C1orf174: variants seen among roughly 807,000 people sequenced by gnomAD.
C1orf174 encodes chromosome 1 open reading frame 174, also known as UPF0688 protein C1orf174.
C1orf174 carries 13 observed loss-of-function variants against 18.4 expected under a neutral mutation model. The ratio of observed to expected loss-of-function variants is 0.71; its 90% CI spans 0.46 to 1.12. The LOEUF (loss-of-function observed/expected upper bound fraction) is 1.12. Among genes scored for constraint, C1orf174 ranks in the 50% most tolerant of loss-of-function variants. The pLI, the probability that C1orf174 is intolerant of heterozygous loss-of-function variation, is 0.00. For synonymous variants in C1orf174, 100 were observed against 118.3 expected (o/e 0.85, Z 1.01); for missense variants, 309 against 308.0 (o/e 1.00, Z -0.02).
chr1:3,892,609 C>T (rs1638529339), intron 2 of C1orf174: 1 of 678,920 alleles, frequency 1.5e-6, no homozygotes, highest in Admixed American at 4.1e-5. Flanking sequence ...CGGGTCTAGA[C>T]ACACACACGG....
chr1:3,891,534 CCT>C, intron 2 of C1orf174: 1 of 953,324 alleles, frequency 1.0e-6, no homozygotes, highest in East Asian at 1.1e-4. Context: ...TTACCAAGCA[CCT>C]CATCATGAGC....
Position 3,890,928 on chromosome 1 carries a change from T to G in C1orf174, c.259A>C (p.Thr87Pro). ...TCATTTTCACAAGGGGTCTCAGGTG[T>G]CACTTTTGGCAAAGAAGCGCTGTCA... The part of the protein sequence containing the change: ...KNDSASLPKV[T>P]PETPCENEFA... The change falls in exon 3 of 4, where the codon ACA (threonine) becomes CCA (proline). Residue 87 changes from threonine (T) to proline (P), a missense_variant. Coordinates refer to ENST00000361605, the MANE Select transcript of C1orf174 (RefSeq NM_207356.3). The G allele has an allele frequency of 6.2e-7, 1 of 1,614,082 alleles. No individual in the cohort carries two copies. Among genetic ancestry groups the G allele is most frequent in the Non-Finnish European group, 8.5e-7 (1 of 1,180,030 alleles).
Position 3,889,904 on chromosome 1 carries a change from A to G in C1orf174, c.*56T>C. The G allele has an allele frequency of 1.4e-6, 2 of 1,400,930 alleles. No individual in the cohort carries two copies. The highest frequency in any genetic ancestry group is 2.0e-6 in the Non-Finnish European group (2 of 986,198). The allele number at this position is 1,400,930 out of a possible 1,614,324, so 86.8% of individuals were successfully genotyped here. ...TTTTATATAAATCTTGTAATGTGCTAAATTGTCAAATTGTTAATGGTACTA... is the reference window on the plus strand; with the variant it reads ...TTTTATATAAATCTTGTAATGTGCTGAATTGTCAAATTGTTAATGGTACTA... On this transcript the variant is annotated 3_prime_UTR_variant, in exon 4 of 4. Transcript: ENST00000361605.
chr1:3,893,346 A>G (rs905507535), intron 1 of C1orf174, among the ~76,000 whole-genome samples: 10 of 152,168 alleles, frequency 6.6e-5, no homozygotes, highest in Admixed American at 2.0e-4. Flanking sequence ...TCCAACTTTC[A>G]TACGTTGTCA....
chr1:3,893,075 G>C (rs1570965308), intron 1 of C1orf174, 79 bp from the exon 2 acceptor site: 1 of 1,494,522 alleles, frequency 6.7e-7, no homozygotes, highest in African/African-American at 1.4e-5. Context: ...CCCACCTAAA[G>C]AACACCCGAA....
In C1orf174 at chr1:3,897,354, A is replaced by G. The variant is rs557311248; in HGVS notation, c.15+2818T>C. Among the ~76,000 whole-genome samples, 4 of 152,356 alleles carry G rather than the reference A, an allele frequency of 2.6e-5. No individual in the cohort carries two copies. The South Asian group carries it at 8.3e-4, about 32-fold the overall frequency. ...TAAATTACTTAAAAACCAAATGGAA[A>G]TTCTGGAGTAGAAAAGTACAAAACC... On this transcript the variant is annotated intron_variant, in intron 1 of 3. Transcript: ENST00000361605.
At position 3,900,201 on chromosome 1, in the gene C1orf174, C is replaced by T; in HGVS notation, c.-15G>A. The T allele has an allele frequency of 6.3e-7, 1 of 1,575,258 alleles. No homozygotes were observed. ...CGGCTCCTCATGAGTGTGAGCACCG[C>T]AGCCAAGCACCGCGCGCCCCGGCCA... On this transcript the variant is annotated 5_prime_UTR_variant, in exon 1 of 4. Transcript: ENST00000361605.
At chr1:3,893,888 AGT>A (rs1431048981) in intron 1 of C1orf174, among the ~76,000 whole-genome samples, 1 of 152,184 alleles carries the variant, frequency 6.6e-6, no homozygotes, top group Non-Finnish European at 1.5e-5. Flanking sequence ...AGAGTGAGAC[AGT>A]GTCTCTGAAA....
At position 3,891,023 on chromosome 1, in the gene C1orf174, G is replaced by A. The variant is rs1236539829; in HGVS notation, c.164C>T (p.Thr55Met). Reference protein sequence around the residue: ...SSSHKATDTRTSKKFKCDKGH... With the variant: ...SSSHKATDTRMSKKFKCDKGH... ...TTTGTCACATTTGAACTTCTTGGACGTTCGCGTGTCTGTGGCTTTGTGGGA... is the reference window on the plus strand; with the variant it reads ...TTTGTCACATTTGAACTTCTTGGACATTCGCGTGTCTGTGGCTTTGTGGGA... The change falls in exon 3 of 4, where the codon ACG becomes ATG. Residue 55 changes from threonine (T) to methionine (M), a missense_variant. Transcript: ENST00000361605. 9.3e-6 allele frequency: 15 copies of A among 1,613,372 alleles called. No homozygotes were observed. Among genetic ancestry groups the A allele is most frequent in the African/African-American group, 1.3e-5 (1 of 74,890 alleles).
chr1:3,891,246 C>T, intron 2 of C1orf174, 189 bp from the exon 3 acceptor site: 1 of 682,480 alleles, frequency 1.5e-6, no homozygotes, highest in Non-Finnish European at 2.4e-6. Context: ...CTAGACACAC[C>T]CCACACCACT....
intron 1 of C1orf174, among the ~76,000 whole-genome samples, chr1:3,898,319 C>T (rs12092962): frequency 6.6e-6 from 1 of 151,934 alleles, no homozygotes; most frequent in Non-Finnish European, 1.5e-5. Context: ...AGACCAGCCT[C>T]GCCAACATGG....
At position 3,889,739 on chromosome 1, in the gene C1orf174, G is replaced by A; in HGVS notation, c.*221C>T. 2 of 527,126 alleles carry A rather than the reference G, an allele frequency of 3.8e-6. No individual in the cohort carries two copies. Among genetic ancestry groups the A allele is most frequent in the Non-Finnish European group, 6.9e-6 (2 of 290,104 alleles). The allele number at this position is 527,126 out of a possible 1,614,324, so 32.7% of individuals were successfully genotyped here. On this transcript the variant is annotated 3_prime_UTR_variant, in exon 4 of 4. Transcript: ENST00000361605. ...AAAAAAAAGAAAGGACATTGGCACA[G>A]TACAGCAGCTTTGCAACCTCAAAGA...
At chr1:3,900,125 A>G in intron 1 of C1orf174, 47 bp downstream of exon 1, 1 of 1,563,546 alleles carries the variant, frequency 6.4e-7, no homozygotes, top group Non-Finnish European at 8.6e-7. Flanking sequence ...GGTGACCCAG[A>G]GTCCCCGCCC....
In C1orf174 at chr1:3,891,031, G is replaced by C; in HGVS notation, c.156C>G (p.Asp52Glu). ...CLTSSSHKATDTRTSKKFKCD... is the reference protein window; with the variant it reads ...CLTSSSHKATETRTSKKFKCD... ...ATTTGAACTTCTTGGACGTTCGCGT[G>C]TCTGTGGCTTTGTGGGATGAGGAAG... is the stretch of plus-strand genomic sequence containing the variant. Residue 52 changes from aspartate to glutamate, a missense_variant, in exon 3 of 4, where the codon GAC (aspartate) becomes GAG (glutamate). Transcript: ENST00000361605. 6.2e-7 allele frequency: 1 copy of C among 1,612,556 alleles called. No individual in the cohort carries two copies.
intron 1 of C1orf174, among the ~76,000 whole-genome samples, chr1:3,899,788 T>A (rs1016533582): frequency 1.3e-5 from 2 of 150,272 alleles, no homozygotes; most frequent in African/African-American, 4.9e-5. Context: ...GAGCTCCACT[T>A]CTCCCGAGGG....
At chr1:3,899,385 T>C (rs1419500575) in intron 1 of C1orf174, among the ~76,000 whole-genome samples, 2 of 152,200 alleles carry the variant, frequency 1.3e-5, no homozygotes, top group African/African-American at 2.4e-5. Context: ...AGAGCCTCCA[T>C]GCAGCTCAGA....
At chr1:3,893,958 CTAA>C (rs1638558818) in intron 1 of C1orf174, among the ~76,000 whole-genome samples, 1 of 152,190 alleles carries the variant, frequency 6.6e-6, no homozygotes, top group South Asian at 2.1e-4. Flanking sequence ...TCAGCTTCCA[CTAA>C]TGTTAAACAA....
At chr1:3,894,554 C>T (rs1043318752) in intron 1 of C1orf174, among the ~76,000 whole-genome samples, 2 of 148,658 alleles carry the variant, frequency 1.3e-5, no homozygotes, top group Admixed American at 1.4e-4. Context: ...TTGCAGTGAG[C>T]CGAGATTGCG....
rs1406772574 is a variant in C1orf174, at chr1:3,900,238, C to CG, written c.-53dup. On this transcript the variant is annotated 5_prime_UTR_variant, in exon 1 of 4. Coordinates refer to ENST00000361605, the MANE Select transcript of C1orf174 (RefSeq NM_207356.3). Reference sequence around the variant, plus strand: ...GCGCGCCCCGGCCAACGCGTCCCGGCGGAGCGGCGACCCGGAGTCTGCAGA... The same window carrying CG: ...GCGCGCCCCGGCCAACGCGTCCCGGCGGGAGCGGCGACCCGGAGTCTGCAGA... 72 of 1,522,900 alleles carry CG rather than the reference C, an allele frequency of 4.7e-5. No individual in the cohort carries two copies. The highest frequency in any genetic ancestry group is 5.7e-5 in the Non-Finnish European group (65 of 1,147,080). 94.3% of individuals were successfully genotyped at this position (1,522,900 alleles called of 1,614,324 possible). A position where few individuals can be genotyped will look rare whatever the true frequency, so the allele number is the denominator to read the frequency against.
Sources: gnomAD v4.1 joint callset for allele counts (sites outside exome capture counted in the v4.1 genomes callset) on GRCh38, gnomAD v4.1.1 for gene constraint, MANE v1.5 for transcripts, NCBI Gene and HGNC (gene_info 2026-07-23, HGNC 2026-07-21) for gene names.